The following GLI3 variants were observed in gnomAD, a reference collection of about 807,000 sequenced individuals.
The protein encoded by GLI3 is GLI family zinc finger 3.
GLI3 carries 20 observed loss-of-function variants against 100.8 expected under a neutral mutation model. The observed-to-expected ratio is 0.20, with a 90% CI of 0.14 to 0.29. The LOEUF (loss-of-function observed/expected upper bound fraction) is 0.29. Among genes scored for constraint, GLI3 ranks in the 10% least tolerant of loss-of-function variants. The probability of loss-of-function intolerance (pLI) is 1.00; values close to 1 mark genes in which losing one functional copy is unlikely to be tolerated. For missense variants in GLI3, 2,040 were observed against 2,128.5 expected, an observed-to-expected ratio of 0.96 and a Z score of 0.82; for synonymous variants, 938 against 860.5, an observed-to-expected ratio of 1.09 and a Z score of -1.58.
intron 3 of GLI3, among the ~76,000 whole-genome samples, chr7:42,141,766 T>C (rs1239371467): frequency 2.0e-5 from 3 of 152,180 alleles, no homozygotes; most frequent in African/African-American, 4.8e-5. Flanking sequence ...ATTAGGTGAC[T>C]AAGTTTGGAT....
intron 3 of GLI3, among the ~76,000 whole-genome samples, chr7:42,134,965 A>T (rs1786390937): frequency 6.6e-6 from 1 of 152,182 alleles, no homozygotes; most frequent in Admixed American, 6.5e-5. Flanking sequence ...GGAAGGAAGA[A>T]GGGAAATGTT....
chr7:42,060,571 A>G (rs953092079), intron 4 of GLI3, among the ~76,000 whole-genome samples: 1 of 152,136 alleles, frequency 6.6e-6, no homozygotes, highest in Non-Finnish European at 1.5e-5. Flanking sequence ...AATCAGTTTG[A>G]TTTCTGTGAC....
chr7:42,052,800 T>C (rs1344797690), intron 4 of GLI3, among the ~76,000 whole-genome samples: 4 of 152,236 alleles, frequency 2.6e-5, no homozygotes, highest in Non-Finnish European at 5.9e-5. Flanking sequence ...TGAGCTGGGT[T>C]AGCATATTTC....
At chr7:42,044,486 C>T (rs901740435) in intron 6 of GLI3, among the ~76,000 whole-genome samples, 1 of 152,196 alleles carries the variant, frequency 6.6e-6, no homozygotes, top group African/African-American at 2.4e-5. Context: ...AATCATTACA[C>T]ACCTAAGGGA....
intron 4 of GLI3, among the ~76,000 whole-genome samples, chr7:42,064,355 A>C (rs1156957482): frequency 6.6e-6 from 1 of 152,194 alleles, no homozygotes; most frequent in Admixed American, 6.5e-5. Flanking sequence ...AAGATCATTT[A>C]ATTAATTTAT....
chr7:42,233,841 T>C (rs887785614), intron 1 of GLI3, among the ~76,000 whole-genome samples: 2 of 152,184 alleles, frequency 1.3e-5, no homozygotes, highest in African/African-American at 4.8e-5. Flanking sequence ...AAAGACAACC[T>C]GAAGTCATTA....
At chr7:41,973,137 C>G (rs1787410741) in intron 12 of GLI3, among the ~76,000 whole-genome samples, 1 of 152,218 alleles carries the variant, frequency 6.6e-6, no homozygotes, top group Admixed American at 6.5e-5. Context: ...GCTATTTATG[C>G]ACAGGCATAA....
intron 7 of GLI3, among the ~76,000 whole-genome samples, chr7:42,034,341 T>C (rs1478510332): frequency 6.6e-6 from 1 of 152,180 alleles, no homozygotes; most frequent in Non-Finnish European, 1.5e-5. Context: ...CTGAGTGCCT[T>C]TGATTCAGTC....
chr7:42,255,471 T>C (rs1228021293), intron 1 of GLI3, among the ~76,000 whole-genome samples: 1 of 152,230 alleles, frequency 6.6e-6, no homozygotes, highest in East Asian at 1.9e-4. Context: ...CATGTCTGCG[T>C]GCATCAATTC....
intron 3 of GLI3, among the ~76,000 whole-genome samples, chr7:42,095,899 G>A (rs981343960): frequency 1.1e-4 from 16 of 152,194 alleles, no homozygotes; most frequent in African/African-American, 3.6e-4. Flanking sequence ...GAAGGTACAG[G>A]AAGAGGAAAC....
chr7:42,037,778 G>A (rs1784045018), intron 7 of GLI3, among the ~76,000 whole-genome samples: 1 of 152,176 alleles, frequency 6.6e-6, no homozygotes, highest in African/African-American at 2.4e-5. Context: ...TAGCTCCTTG[G>A]AGACGAAATG....
intron 7 of GLI3, among the ~76,000 whole-genome samples, chr7:42,031,422 T>C (rs1172921736): frequency 6.6e-6 from 1 of 151,980 alleles, no homozygotes; most frequent in Middle Eastern, 3.2e-3. Flanking sequence ...CTGAGGTGAG[T>C]AAGTGTAATG....
At chr7:42,039,721 T>G (rs1784091048) in intron 7 of GLI3, among the ~76,000 whole-genome samples, 1 of 152,132 alleles carries the variant, frequency 6.6e-6, no homozygotes. Context: ...CTAGAGAACA[T>G]TATTACAAGG....
At chr7:42,217,336 T>C (rs566152677) in intron 2 of GLI3, among the ~76,000 whole-genome samples, 1 of 152,274 alleles carries the variant, frequency 6.6e-6, no homozygotes, top group South Asian at 2.1e-4. Context: ...AACACAGTGG[T>C]AACCAGAGTT....
intron 2 of GLI3, among the ~76,000 whole-genome samples, chr7:42,211,823 G>A (rs921460003): frequency 6.6e-6 from 1 of 152,120 alleles, no homozygotes; most frequent in African/African-American, 2.4e-5. Flanking sequence ...GTTCTGCTCA[G>A]AGCAGTCCTC....
intron 4 of GLI3, among the ~76,000 whole-genome samples, chr7:42,071,531 G>C (rs1420810701): frequency 3.3e-5 from 5 of 152,092 alleles, no homozygotes; most frequent in Non-Finnish European, 7.4e-5. Context: ...TAAGCAGCTA[G>C]ACTGAAGAGG....
Position 42,093,284 on chromosome 7 carries a change from C to G in GLI3, c.368-16427G>C, listed in dbSNP as rs1173610096. On this transcript the variant is annotated intron_variant, in intron 3 of 14. Transcript: ENST00000395925. ...ATCCCAGCTAGTCGGGAGGCTGAGG[C>G]AGGAGAATCACTTGAACCCGGGAGG... Among the ~76,000 whole-genome samples the G allele has an allele frequency of 3.3e-5, 5 of 150,086 alleles. No individual in the cohort carries two copies. In the Admixed American group the frequency reaches 3.3e-4, roughly 10 times the overall value.
intron 1 of GLI3, among the ~76,000 whole-genome samples, chr7:42,248,754 C>A (rs1284866144): frequency 1.3e-5 from 2 of 151,868 alleles, no homozygotes; most frequent in African/African-American, 2.4e-5. Context: ...TTTAATAATT[C>A]TCTTATCCTC....
At chr7:42,229,714 C>T (rs560670445) in intron 1 of GLI3, among the ~76,000 whole-genome samples, 39 of 152,210 alleles carry the variant, frequency 2.6e-4, no homozygotes, top group Admixed American at 2.2e-3. Context: ...AGATATGTAC[C>T]TCCCTGTAGC....
Sources: gnomAD v4.1 joint callset for allele counts (sites outside exome capture counted in the v4.1 genomes callset) on GRCh38, gnomAD v4.1.1 for gene constraint, MANE v1.5 for transcripts, NCBI Gene and HGNC (gene_info 2026-07-23, HGNC 2026-07-21) for gene names.